Variants in CD8B observed in about 807,000 individuals in gnomAD.
CD8B encodes CD8 subunit beta.
A neutral mutation model predicts 24.2 loss-of-function variants in CD8B; 6 were observed. That is an observed-to-expected ratio of 0.25 (90% CI 0.14 to 0.49). The LOEUF (loss-of-function observed/expected upper bound fraction) is 0.49, where lower values mean the gene tolerates loss of function less well. Among genes scored for constraint, CD8B ranks in the 20% least tolerant of loss-of-function variants. CD8B has a pLI of 0.98. For missense variants in CD8B, 196 were observed against 271.3 expected (o/e 0.72, Z 1.95); for synonymous variants, 84 against 108.3 (o/e 0.78, Z 1.39).
intron 5 of CD8B, among the ~76,000 whole-genome samples, chr2:86,821,904 T>C (rs1455046500): frequency 1.3e-5 from 2 of 152,210 alleles, no homozygotes; most frequent in African/African-American, 4.8e-5. Flanking sequence ...CTTTGCCTTT[T>C]CGAGGCCCGC....
intron 5 of CD8B, among the ~76,000 whole-genome samples, chr2:86,816,311 C>T (rs577757688): frequency 2.0e-5 from 3 of 152,214 alleles, no homozygotes; most frequent in South Asian, 2.1e-4. Context: ...ACTTCTCCTC[C>T]GGGGTACTTT....
At chr2:86,821,752 G>T (rs1674482445) in intron 5 of CD8B, 1 of 435,638 alleles carries the variant, frequency 2.3e-6, no homozygotes, top group Admixed American at 2.4e-5. Flanking sequence ...TTCACTTTTA[G>T]CAAAGAGCCC....
chr2:86,827,720 A>T (rs1674748985), intron 5 of CD8B, among the ~76,000 whole-genome samples: 1 of 152,134 alleles, frequency 6.6e-6, no homozygotes, highest in African/African-American at 2.4e-5. Context: ...GTAGACTTTA[A>T]ATTGTTTTTG....
chr2:86,822,456 A>G, intron 5 of CD8B: 1 of 837,140 alleles, frequency 1.2e-6, no homozygotes. Context: ...ATTTAAGTAA[A>G]CAATGATAAT....
chr2:86,827,325 G>A (rs978297343), intron 5 of CD8B, among the ~76,000 whole-genome samples: 19 of 152,022 alleles, frequency 1.2e-4, no homozygotes, highest in African/African-American at 4.3e-4. Flanking sequence ...GTCACGAGAG[G>A]TAGTTAAATG....
chr2:86,858,226 C>G lies in CD8B; in HGVS notation c.234G>C (p.Gly78=). The G allele has an allele frequency of 6.2e-7, 1 of 1,614,038 alleles. No individual in the cohort carries two copies. The highest frequency in any genetic ancestry group is 8.5e-7 in the Non-Finnish European group (1 of 1,179,884). ...GTTCCACCTCTTCACCGTGGATAGTCCCTTTTGCGGAATCCCAGAGGGCCA... is the reference window on the plus strand; with the variant it reads ...GTTCCACCTCTTCACCGTGGATAGTGCCTTTTGCGGAATCCCAGAGGGCCA... ...EFLALWDSAK[G]TIHGEEVEQE... is the part of the protein sequence containing the mutation. Residue 78 remains glycine (G), a synonymous_variant, in exon 2 of 6, where the codon GGG becomes GGC. Transcript: ENST00000390655.
In CD8B at chr2:86,844,527, C is replaced by T. The variant is rs1675578202; in HGVS notation, c.620+395G>A. The T allele has an allele frequency of 4.6e-6, 4 of 862,466 alleles. No homozygotes were observed. In the African/African-American group the frequency reaches 5.3e-5, roughly 11 times the overall value. The allele number at this position is 862,466 out of a possible 1,614,324, so 53.4% of individuals were successfully genotyped here. A position where few individuals can be genotyped will look rare whatever the true frequency, so the allele number is the denominator to read the frequency against. ...ATTCTGTGCATGCAAAGCCTGATTGCTCTCCTCAGGAGAGCTAAGAATGTT... is the reference window on the plus strand; with the variant it reads ...ATTCTGTGCATGCAAAGCCTGATTGTTCTCCTCAGGAGAGCTAAGAATGTT... On this transcript the variant is annotated intron_variant, in intron 5 of 5. Transcript: ENST00000390655.
At chr2:86,825,632 C>G (rs940373288) in intron 5 of CD8B, among the ~76,000 whole-genome samples, 3 of 152,208 alleles carry the variant, frequency 2.0e-5, no homozygotes, top group African/African-American at 7.2e-5. Flanking sequence ...CTCCAGCCAG[C>G]TCAGGCTCCT....
rs143391245 is a variant in CD8B at position 86,820,513 on chromosome 2, A to C, written c.621-4795T>G. ...TGATTTTAGCATGTATTTGGTAATA[A>C]ATTATTTTTTGATTAAGACGTACTT... On this transcript the variant is annotated intron_variant, in intron 5 of 5. Transcript: ENST00000331469. Among the ~76,000 whole-genome samples the C allele has an allele frequency of 3.3e-5, 5 of 152,328 alleles. No individual in the cohort carries two copies. In the East Asian group the frequency reaches 9.6e-4, roughly 29 times the overall value.
intron 5 of CD8B, among the ~76,000 whole-genome samples, chr2:86,822,877 A>G (rs868268753): frequency 2.6e-5 from 4 of 152,210 alleles, no homozygotes; most frequent in Non-Finnish European, 5.9e-5. Context: ...CCACTTACTC[A>G]TATGTTGTCT....
At chr2:86,817,799 T>C (rs2104487009) in intron 5 of CD8B, among the ~76,000 whole-genome samples, 1 of 152,374 alleles carries the variant, frequency 6.6e-6, no homozygotes, top group East Asian at 1.9e-4. Context: ...GACAGATTTA[T>C]TTAGCAAATC....
chr2:86,828,355 G>GGA (rs1156528131), intron 5 of CD8B, among the ~76,000 whole-genome samples: 1 of 151,844 alleles, frequency 6.6e-6, no homozygotes, highest in Non-Finnish European at 1.5e-5. Context: ...TGGACCCACA[G>GGA]AGAAGTTTTT....
rs1308179257 is a variant in CD8B, at chr2:86,839,105, T to G, written c.*3202A>C. Among the ~76,000 whole-genome samples, 3 of 152,256 alleles carry G rather than the reference T, an allele frequency of 2.0e-5. No homozygotes were observed. The highest frequency in any genetic ancestry group is 2.0e-4 in the Admixed American group (3 of 15,290). On this transcript the variant is annotated 3_prime_UTR_variant, in exon 6 of 6. Transcript: ENST00000390655. The stretch of plus-strand genomic sequence containing the variant: ...TATATTTGTTTTGCTTGTTTTCTTT[T>G]GTGCTTGAATTTTAACAGTGACTAC...
At chr2:86,833,891 C>A (rs183271369), downstream of CD8B, among the ~76,000 whole-genome samples, 487 of 151,914 alleles carry the variant, frequency 3.2e-3, no homozygotes, top group Non-Finnish European at 5.5e-3. Flanking sequence ...CCTCGTGATC[C>A]GCCCACCTCA....
chr2:86,840,897 C>T lies in CD8B; in HGVS notation c.*1410G>A, dbSNP rs545849884. 1.1e-4 allele frequency among the ~76,000 whole-genome samples: 16 copies of T among 152,174 alleles called. No homozygotes were observed. The highest frequency in any genetic ancestry group is 3.9e-4 in the African/African-American group (16 of 41,530). On this transcript the variant is annotated 3_prime_UTR_variant, in exon 6 of 6. Coordinates refer to ENST00000390655, the MANE Select transcript of CD8B (RefSeq NM_004931.5). ...CCTTCCCCAGAGTCGTCTTTCCTTT[C>T]CTGTTTTTTTTGTAACATTTCTTAC...
intron 5 of CD8B, among the ~76,000 whole-genome samples, chr2:86,842,922 AT>A (rs1277895089): frequency 6.6e-6 from 1 of 151,992 alleles, no homozygotes; most frequent in Non-Finnish European, 1.5e-5. Context: ...CCTCAAGCTG[AT>A]CCTGGGCTTG....
At chr2:86,823,608 G>T (rs1173305779) in intron 5 of CD8B, among the ~76,000 whole-genome samples, 1 of 152,116 alleles carries the variant, frequency 6.6e-6, no homozygotes, top group African/African-American at 2.4e-5. Flanking sequence ...GCTCTCTGAG[G>T]ATAAGGACCA....
At chr2:86,848,923 G>T (rs1436242732) in intron 3 of CD8B, among the ~76,000 whole-genome samples, 7 of 152,042 alleles carry the variant, frequency 4.6e-5, no homozygotes, top group Non-Finnish European at 1.0e-4. Flanking sequence ...CACCATGTTG[G>T]CCAGGCTGGT....
At chr2:86,830,837 C>G (rs1674880192) in intron 5 of CD8B, among the ~76,000 whole-genome samples, 1 of 151,966 alleles carries the variant, frequency 6.6e-6, no homozygotes, top group Admixed American at 6.6e-5. Flanking sequence ...AAATGCATTC[C>G]TTTTGTTTAT....
Sources: gnomAD v4.1 joint callset for allele counts (sites outside exome capture counted in the v4.1 genomes callset) on GRCh38, gnomAD v4.1.1 for gene constraint, MANE v1.5 for transcripts, NCBI Gene and HGNC (gene_info 2026-07-23, HGNC 2026-07-21) for gene names.